MBD5: variants seen among roughly 807,000 people sequenced by gnomAD.
MBD5 encodes methyl-CpG-binding domain protein 5.
Under a neutral mutation model 117.3 loss-of-function variants are expected in MBD5, and 13 were observed. The observed-to-expected ratio is 0.11, with a 90% CI of 0.07 to 0.18. The LOEUF is 0.18. Among genes scored for constraint, MBD5 ranks in the 10% least tolerant of loss-of-function variants. MBD5 has a pLI of 1.00. For synonymous variants in MBD5, 727 were observed against 766.4 expected (o/e 0.95, Z 0.85); for missense variants, 1,879 against 2,093.8 (o/e 0.90, Z 2.00).
chr2:148,244,392 T>G (rs1700288710), intron 3 of MBD5: 1 of 152,168 alleles, frequency 6.6e-6, no homozygotes, highest in Non-Finnish European at 1.5e-5. Flanking sequence ...GAGACAGTAG[T>G]TAAACCATAA....
chr2:148,070,947 GT>G (rs1558913186), intron 1 of MBD5: 1 of 151,890 alleles, frequency 6.6e-6, no homozygotes, highest in Non-Finnish European at 1.5e-5. Flanking sequence ...TGCCTTCTGG[GT>G]TCAAGCAATC....
chr2:148,380,232 C>A (rs1017581894), intron 4 of MBD5, among the ~76,000 whole-genome samples: 1 of 151,960 alleles, frequency 6.6e-6, no homozygotes, highest in Non-Finnish European at 1.5e-5. Context: ...ATATAAAATT[C>A]AATTAAATTA....
intron 4 of MBD5, among the ~76,000 whole-genome samples, chr2:148,366,675 C>T (rs2105338896): frequency 6.6e-6 from 1 of 152,256 alleles, no homozygotes; most frequent in South Asian, 2.1e-4. Context: ...CATTCCTATA[C>T]ACCAATAATA....
At chr2:148,220,023 A>C (rs746643307) in intron 2 of MBD5, 30 of 152,162 alleles carry the variant, frequency 2.0e-4, no homozygotes, top group Non-Finnish European at 3.8e-4. Context: ...GGATAGATGA[A>C]TAATAAATAG....
chr2:148,312,788 A>G (rs1051772290), intron 3 of MBD5, among the ~76,000 whole-genome samples: 5 of 152,114 alleles, frequency 3.3e-5, no homozygotes, highest in African/African-American at 9.7e-5. Flanking sequence ...TCCTGGATTT[A>G]TCTACCTTTG....
intron 4 of MBD5, among the ~76,000 whole-genome samples, chr2:148,429,838 G>A (rs1226223211): frequency 6.6e-6 from 1 of 152,072 alleles, no homozygotes; most frequent in Admixed American, 6.6e-5. Context: ...ACACACTGGG[G>A]CCTGTCATGG....
chr2:148,467,055 A>T lies in MBD5; in HGVS notation c.398-1286A>T, dbSNP rs558335536. Reference sequence around the variant, plus strand: ...TAAGTCTCAAAATAGGTATGGCAGGATGTATAGTTTGAATGGTGCCATTCT... The same window carrying T: ...TAAGTCTCAAAATAGGTATGGCAGGTTGTATAGTTTGAATGGTGCCATTCT... On this transcript the variant is annotated intron_variant, in intron 7 of 13. Transcript: ENST00000642680. 8.5e-5 allele frequency among the ~76,000 whole-genome samples: 13 copies of T among 152,248 alleles called. No homozygotes were observed. The East Asian group carries it at 1.7e-3, about 20-fold the overall frequency.
At chr2:148,126,405 C>A (rs1159550552) in intron 1 of MBD5, among the ~76,000 whole-genome samples, 34 of 92,488 alleles carry the variant, frequency 3.7e-4, no homozygotes, top group South Asian at 8.2e-4. Context: ...GACTCCATCT[C>A]AAAAAAAAAA....
chr2:148,236,385 G>T (rs75622740), intron 3 of MBD5, among the ~76,000 whole-genome samples: 30 of 152,238 alleles, frequency 2.0e-4, no homozygotes, highest in African/African-American at 6.0e-4. Flanking sequence ...AAAGTCGATG[G>T]ACTTTTCAAG....
chr2:148,483,112 G>A lies in MBD5; in HGVS notation c.2521G>A (p.Gly841Ser), dbSNP rs752445724. Residue 841 changes from glycine (G) to serine (S), a missense_variant and splice_region_variant, in exon 9 of 14, where the codon GGT becomes AGT. By Grantham distance (56) the Gly-to-Ser change is moderately conservative (BLOSUM62 0). Coordinates refer to ENST00000642680, the MANE Select transcript of MBD5 (RefSeq NM_001378120.1). ...TGTTTTTTTTTTTTTCATTTTAGGC[G>A]GTTCAGGACCATCATCCTCCATAGC... Reference protein sequence around the residue: ...SYNQTSSEAGGSGPSSSIAIA... With the variant: ...SYNQTSSEAGSSGPSSSIAIA... The A allele has an allele frequency of 1.4e-5, 22 of 1,606,882 alleles. No individual in the cohort carries two copies. Among genetic ancestry groups the A allele is most frequent in the African/African-American group, 2.7e-5 (2 of 73,856 alleles).
At chr2:148,313,173 G>C (rs890466806) in intron 3 of MBD5, among the ~76,000 whole-genome samples, 1 of 152,142 alleles carries the variant, frequency 6.6e-6, no homozygotes, top group Non-Finnish European at 1.5e-5. Context: ...AGCAGAACTC[G>C]AGCACTGTGC....
chr2:148,386,994 T>C (rs978462478), intron 4 of MBD5, among the ~76,000 whole-genome samples: 2 of 152,184 alleles, frequency 1.3e-5, no homozygotes, highest in African/African-American at 2.4e-5. Context: ...ATGAAGGTCA[T>C]TTCAAACTTA....
At chr2:148,266,045 T>C (rs1171405008) in intron 3 of MBD5, among the ~76,000 whole-genome samples, 1 of 152,136 alleles carries the variant, frequency 6.6e-6, no homozygotes. Flanking sequence ...GAGGGAAAGC[T>C]TTTCTTTTGA....
intron 4 of MBD5, among the ~76,000 whole-genome samples, chr2:148,384,716 A>G (rs1374662518): frequency 2.6e-5 from 4 of 152,066 alleles, no homozygotes; most frequent in African/African-American, 9.7e-5. Context: ...AAACTATATT[A>G]CAAGGCTACA....
intron 4 of MBD5, among the ~76,000 whole-genome samples, chr2:148,423,597 T>A (rs1705678690): frequency 2.0e-5 from 3 of 152,026 alleles, no homozygotes. Flanking sequence ...TGCAAAAACA[T>A]ACCAAATTGT....
chr2:148,306,558 C>T (rs759271597), intron 3 of MBD5, among the ~76,000 whole-genome samples: 10 of 152,020 alleles, frequency 6.6e-5, no homozygotes, highest in South Asian at 2.1e-4. Flanking sequence ...ATAAATGTTT[C>T]GTTTTGTTTA....
At chr2:148,495,044 GTTTC>G (rs1559102212) in intron 11 of MBD5, among the ~76,000 whole-genome samples, 4 of 152,200 alleles carry the variant, frequency 2.6e-5, no homozygotes, top group African/African-American at 9.6e-5. Flanking sequence ...ACTGGTGCAA[GTTTC>G]TTTCTGAACC....
At chr2:148,061,035 A>T (rs910616068) in intron 1 of MBD5, among the ~76,000 whole-genome samples, 1 of 152,074 alleles carries the variant, frequency 6.6e-6, no homozygotes, top group Non-Finnish European at 1.5e-5. Flanking sequence ...TCCCAGAATG[A>T]CTCATTTTTT....
chr2:148,303,620 G>A (rs576839982), intron 3 of MBD5, among the ~76,000 whole-genome samples: 35 of 152,286 alleles, frequency 2.3e-4, no homozygotes, highest in African/African-American at 8.4e-4. Context: ...TTTGTCTAAA[G>A]TAAAATTCAG....
Sources: gnomAD v4.1 joint callset for allele counts (sites outside exome capture counted in the v4.1 genomes callset) on GRCh38, gnomAD v4.1.1 for gene constraint, MANE v1.5 for transcripts, NCBI Gene and HGNC (gene_info 2026-07-23, HGNC 2026-07-21) for gene names.